Variants in TOPBP1 observed in about 807,000 individuals in gnomAD.
TOPBP1 encodes DNA topoisomerase II binding protein 1.
Under a neutral mutation model 167.7 loss-of-function variants are expected in TOPBP1, and 28 were observed. The ratio of observed to expected loss-of-function variants is 0.17; its 90% CI spans 0.12 to 0.23. The LOEUF (loss-of-function observed/expected upper bound fraction) is 0.23, where lower values mean the gene tolerates loss of function less well. Among genes scored for constraint, TOPBP1 ranks in the 10% least tolerant of loss-of-function variants. The pLI is 1.00. For missense variants in TOPBP1, 1,554 were observed against 1,809.6 expected (o/e 0.86, Z 2.56); for synonymous variants, 598 against 611.4 (o/e 0.98, Z 0.32).
rs141073720 is a variant in TOPBP1, at chr3:133,638,278, G to A, written c.2234-116C>T. On this transcript the variant is annotated intron_variant, in intron 13 of 27. Transcript: ENST00000260810. ...TTCCTTTCTTTCTTGCATAACTCCT[G>A]GGCTCAAGAGATCCATCTACCTCGG... The A allele has an allele frequency of 3.9e-5, 39 of 990,634 alleles. No individual in the cohort carries two copies. The African/African-American group carries it at 5.2e-4, about 13-fold the overall frequency. The allele number at this position is 990,634 out of a possible 1,614,324, so 61.4% of individuals were successfully genotyped here. A position where few individuals can be genotyped will look rare whatever the true frequency, so the allele number is the denominator to read the frequency against.
chr3:133,656,811 C>T lies in TOPBP1; in HGVS notation c.410G>A (p.Arg137Lys). ...YVQMMGGRVYRDLNVSVTHLI... is the reference protein window; with the variant it reads ...YVQMMGGRVYKDLNVSVTHLI... Reference sequence around the variant, plus strand: ...GTGAGTTACTGATACATTAAGGTCTCTGTATACTCGTCCGCCCATCATTTG... The same window carrying T: ...GTGAGTTACTGATACATTAAGGTCTTTGTATACTCGTCCGCCCATCATTTG... Residue 137 changes from arginine (R) to lysine (K), a missense_variant, in exon 5 of 28, where the codon AGA becomes AAA. Arg to Lys is a conservative substitution (Grantham distance 26). Transcript: ENST00000260810. The T allele has an allele frequency of 6.2e-7, 1 of 1,607,884 alleles. No individual in the cohort carries two copies. The highest frequency in any genetic ancestry group is 1.1e-5 in the South Asian group (1 of 89,532).
At position 133,623,025 on chromosome 3, in the gene TOPBP1, T is replaced by C. The variant is rs548453105; in HGVS notation, c.3178+66A>G. ...GTGTGGGCAAGATGACAAGACCCCA[T>C]CTCCACAAAAAATTGAGACCTTGTC... On this transcript the variant is annotated intron_variant, in intron 19 of 27. Coordinates refer to ENST00000260810, the MANE Select transcript of TOPBP1 (RefSeq NM_007027.4). 9 of 932,102 alleles carry C rather than the reference T, an allele frequency of 9.7e-6. No homozygotes were observed. In the African/African-American group the frequency reaches 1.3e-4, roughly 14 times the overall value. The allele number at this position is 932,102 out of a possible 1,614,324, so 57.7% of individuals were successfully genotyped here.
intron 23 of TOPBP1, among the ~76,000 whole-genome samples, chr3:133,614,992 A>T (rs1037942635): frequency 2.0e-5 from 3 of 151,874 alleles, no homozygotes; most frequent in Non-Finnish European, 4.4e-5. Flanking sequence ...TAATAAAAAA[A>T]TAAAAAAAAA....
chr3:133,608,823 G>C, intron 26 of TOPBP1, 50 bp downstream of exon 26: 1 of 1,577,268 alleles, frequency 6.3e-7, no homozygotes, highest in Non-Finnish European at 8.6e-7. Context: ...AGCAATCTTG[G>C]TTAGATGATT....
chr3:133,654,057 G>A (rs1360830021), intron 6 of TOPBP1, among the ~76,000 whole-genome samples: 1 of 152,150 alleles, frequency 6.6e-6, no homozygotes, highest in Non-Finnish European at 1.5e-5. Flanking sequence ...TTTTCTATGT[G>A]TAGTATAAAT....
At chr3:133,601,491 G>T in intron 27 of TOPBP1, 98 bp from the exon 28 acceptor site, 1 of 979,676 alleles carries the variant, frequency 1.0e-6, no homozygotes, top group Non-Finnish European at 1.4e-6. Context: ...TCTCAGGGAT[G>T]AATCTGACAA....
chr3:133,630,454 T>C (rs929086000), intron 14 of TOPBP1, among the ~76,000 whole-genome samples: 7 of 152,072 alleles, frequency 4.6e-5, no homozygotes, highest in Non-Finnish European at 1.0e-4. Context: ...CACAACCCTG[T>C]GCTCAGCTAA....
At chr3:133,641,687 C>G (rs1332511558) in intron 12 of TOPBP1, among the ~76,000 whole-genome samples, 1 of 152,162 alleles carries the variant, frequency 6.6e-6, no homozygotes, top group Non-Finnish European at 1.5e-5. Flanking sequence ...TAGGGCTAGT[C>G]CCAATTATTC....
intron 10 of TOPBP1, among the ~76,000 whole-genome samples, chr3:133,646,801 T>C (rs1936091445): frequency 6.6e-6 from 1 of 152,104 alleles, no homozygotes; most frequent in Admixed American, 6.6e-5. Flanking sequence ...AAAAAAGGAA[T>C]GCTAGGAATT....
intron 25 of TOPBP1, among the ~76,000 whole-genome samples, chr3:133,609,401 G>A (rs866855027): frequency 4.6e-5 from 7 of 152,182 alleles, no homozygotes; most frequent in African/African-American, 1.7e-4. Flanking sequence ...CTAAAAGAGA[G>A]GGTATCATGG....
intron 14 of TOPBP1, 47 bp downstream of exon 14, chr3:133,637,829 T>A: frequency 1.3e-6 from 2 of 1,583,274 alleles, no homozygotes; most frequent in Non-Finnish European, 1.7e-6. Context: ...TTTAACTTTA[T>A]AAACGGTAAA....
chr3:133,631,023 C>A (rs192251379), intron 14 of TOPBP1, among the ~76,000 whole-genome samples: 24 of 152,226 alleles, frequency 1.6e-4, no homozygotes, highest in Non-Finnish European at 3.2e-4. Context: ...GAGACTCTAC[C>A]TCTCCAAAAA....
chr3:133,639,754 G>C (rs1455521310), intron 13 of TOPBP1, among the ~76,000 whole-genome samples: 1 of 152,114 alleles, frequency 6.6e-6, no homozygotes, highest in Non-Finnish European at 1.5e-5. Context: ...TAATTATATA[G>C]TGTGTTACTA....
intron 4 of TOPBP1, 64 bp downstream of exon 4, chr3:133,657,734 G>A: frequency 7.5e-7 from 1 of 1,333,502 alleles, no homozygotes; most frequent in South Asian, 2.0e-5. Context: ...CTTCTATGCA[G>A]TGAAAAATTA....
intron 14 of TOPBP1, among the ~76,000 whole-genome samples, chr3:133,633,054 T>C (rs538128992): frequency 6.6e-6 from 1 of 152,334 alleles, no homozygotes; most frequent in Non-Finnish European, 1.5e-5. Flanking sequence ...ATTATGGGCA[T>C]GCACCACTGA....
Position 133,623,101 on chromosome 3 carries a change from G to A in TOPBP1, c.3168C>T (p.Asp1056=). 6.2e-7 allele frequency: 1 copy of A among 1,602,466 alleles called. No homozygotes were observed. The highest frequency in any genetic ancestry group is 1.1e-5 in the South Asian group (1 of 90,060). ...AATAAAATATTTTACCTCCTTTAGAGTCATTCTTTCCACTTCCATTTGATG... is the reference window on the plus strand; with the variant it reads ...AATAAAATATTTTACCTCCTTTAGAATCATTCTTTCCACTTCCATTTGATG... ...SAPSNGSGKN[D]SKGVLTQTLE... The change falls in exon 19 of 28, where the codon GAC becomes GAT. Residue 1056 remains aspartate, a synonymous_variant. Transcript: ENST00000260810.
chr3:133,634,114 G>A (rs546080505), intron 14 of TOPBP1, among the ~76,000 whole-genome samples: 5 of 152,182 alleles, frequency 3.3e-5, no homozygotes, highest in Non-Finnish European at 7.4e-5. Context: ...AATTTGAAAA[G>A]AATCAAATTT....
chr3:133,659,691 C>T lies in TOPBP1; in HGVS notation c.85-541G>A, dbSNP rs76833032. ...CTTAAATGTCACCTCCCCAGAGATG[C>T]CCATCCTAATCAGGCTTTCTCAAAT... is the stretch of plus-strand genomic sequence containing the variant. On this transcript the variant is annotated intron_variant, in intron 2 of 27. Transcript: ENST00000260810. 6.3e-3 allele frequency among the ~76,000 whole-genome samples: 960 copies of T among 152,262 alleles called. 5 individuals carry two copies. Among genetic ancestry groups the T allele is most frequent in the Non-Finnish European group, 0.01 (689 of 68,020 alleles).
intron 25 of TOPBP1, among the ~76,000 whole-genome samples, chr3:133,609,533 G>A (rs749679074): frequency 3.0e-4 from 45 of 152,130 alleles, no homozygotes; most frequent in Non-Finnish European, 5.9e-4. Flanking sequence ...ATTGTAATCC[G>A]AATGATAATC....
Sources: gnomAD v4.1 joint callset for allele counts (sites outside exome capture counted in the v4.1 genomes callset) on GRCh38, gnomAD v4.1.1 for gene constraint, MANE v1.5 for transcripts, NCBI Gene and HGNC (gene_info 2026-07-23, HGNC 2026-07-21) for gene names.